The following NUAK1 variants were observed in gnomAD, a reference collection of about 807,000 sequenced individuals.
The protein encoded by NUAK1 is NUAK family SNF1-like kinase 1.
Under a neutral mutation model 56.9 loss-of-function variants are expected in NUAK1, and 26 were observed. The ratio of observed to expected loss-of-function variants is 0.46; its 90% CI spans 0.33 to 0.63. The LOEUF (loss-of-function observed/expected upper bound fraction) is 0.63. Ranked by LOEUF, NUAK1 falls within the 30% of genes least tolerant of loss-of-function variation. The pLI is 0.02. For missense variants in NUAK1, 727 were observed against 876.1 expected, an observed-to-expected ratio of 0.83 and a Z score of 2.15; for synonymous variants, 337 against 336.0, an observed-to-expected ratio of 1.00 and a Z score of -0.03.
intron 1 of NUAK1, among the ~76,000 whole-genome samples, chr12:106,122,684 G>A (rs947372479): frequency 2.0e-5 from 3 of 152,174 alleles, no homozygotes; most frequent in African/African-American, 7.2e-5. Context: ...ATTGTCCAGA[G>A]CTGTGTTCTC....
At chr12:106,080,399 T>G (rs2032504481) in intron 4 of NUAK1, among the ~76,000 whole-genome samples, 1 of 152,222 alleles carries the variant, frequency 6.6e-6, no homozygotes, top group South Asian at 2.1e-4. Flanking sequence ...CAGCATTCCA[T>G]TCTCCCAGAG....
At chr12:106,076,786 A>T (rs1015858786) in intron 4 of NUAK1, among the ~76,000 whole-genome samples, 6 of 152,198 alleles carry the variant, frequency 3.9e-5, no homozygotes, top group African/African-American at 1.4e-4. Context: ...CATGTACATG[A>T]GGTCCCTAGA....
intron 1 of NUAK1, among the ~76,000 whole-genome samples, chr12:106,108,659 A>G (rs75740539): frequency 0.035 from 5,273 of 152,294 alleles, 315 homozygotes; most frequent in African/African-American, 0.12. Flanking sequence ...ACATTCCTCC[A>G]TAAACTAAAG....
chr12:106,066,849 T>C lies in NUAK1; in HGVS notation c.1939A>G (p.Thr647Ala). ...FSLLTDMDDV[T>A]QVYKQALEIC... ...TCCAGCGCTTGCTTGTAGACCTGAG[T>C]CACATCATCCATGTCTGTGAGGAGG... is the stretch of plus-strand genomic sequence containing the variant. Residue 647 changes from threonine to alanine, a missense_variant, in exon 7 of 7, where the codon ACT (threonine) becomes GCT (alanine). Thr to Ala is a moderately conservative substitution (Grantham distance 58). Coordinates refer to ENST00000261402, the MANE Select transcript of NUAK1 (RefSeq NM_014840.3). 1 of 1,614,078 alleles carries C rather than the reference T, an allele frequency of 6.2e-7. No individual in the cohort carries two copies. The highest frequency in any genetic ancestry group is 8.5e-7 in the Non-Finnish European group (1 of 1,179,990).
chr12:106,103,990 T>G (rs2032774283), intron 2 of NUAK1: 1 of 152,202 alleles, frequency 6.6e-6, no homozygotes, highest in African/African-American at 2.4e-5. Flanking sequence ...TTACCACTCT[T>G]GGGCAGTTCG....
At chr12:106,083,217 G>T (rs2032536956) in intron 4 of NUAK1, among the ~76,000 whole-genome samples, 1 of 152,166 alleles carries the variant, frequency 6.6e-6, no homozygotes, top group East Asian at 1.9e-4. Context: ...TTTCAGGGGT[G>T]GGAAGGTGGA....
Position 106,113,809 on chromosome 12 carries a change from T to A in NUAK1, c.241-7284A>T, listed in dbSNP as rs558894598. On this transcript the variant is annotated intron_variant, in intron 1 of 6. Transcript: ENST00000261402. ...ATGGAAAGTTTGCTTCCAATGGGTATCTCCCTAGTCCCAGCCCAAGGAGGG... is the reference window on the plus strand; with the variant it reads ...ATGGAAAGTTTGCTTCCAATGGGTAACTCCCTAGTCCCAGCCCAAGGAGGG... Among the ~76,000 whole-genome samples the A allele has an allele frequency of 3.3e-5, 5 of 151,970 alleles. No homozygotes were observed. The East Asian group carries it at 5.8e-4, about 18-fold the overall frequency.
chr12:106,092,894 C>T (rs2032650926), intron 2 of NUAK1, among the ~76,000 whole-genome samples: 1 of 152,222 alleles, frequency 6.6e-6, no homozygotes, highest in African/African-American at 2.4e-5. Flanking sequence ...TAAAGGTTCT[C>T]CTTCATTAAA....
intron 6 of NUAK1, among the ~76,000 whole-genome samples, chr12:106,069,491 A>AT (rs2032381710): frequency 6.6e-6 from 1 of 152,186 alleles, no homozygotes; most frequent in African/African-American, 2.4e-5. Flanking sequence ...TATGGAGAAG[A>AT]TAAGTGTCTT....
chr12:106,109,264 T>C (rs2032834930), intron 1 of NUAK1, among the ~76,000 whole-genome samples: 1 of 152,196 alleles, frequency 6.6e-6, no homozygotes. Context: ...CCAGTATTCA[T>C]TAGCCACTTA....
At position 106,107,342 on chromosome 12, in the gene NUAK1, A is replaced by G. The variant is rs568010728; in HGVS notation, c.241-817T>C. Among the ~76,000 whole-genome samples the G allele has an allele frequency of 7.9e-5, 12 of 152,242 alleles. No individual in the cohort carries two copies. In the South Asian group the frequency reaches 1.2e-3, roughly 16 times the overall value. On this transcript the variant is annotated intron_variant, in intron 1 of 6. Coordinates refer to ENST00000261402, the MANE Select transcript of NUAK1 (RefSeq NM_014840.3). The stretch of plus-strand genomic sequence containing the variant: ...CTAATAAGGAAAAGTGTGTTCGCCA[A>G]TGGATTCATCTTTGCTCATAAACAA...
At chr12:106,077,562 A>T (rs1330830174) in intron 4 of NUAK1, among the ~76,000 whole-genome samples, 2 of 152,204 alleles carry the variant, frequency 1.3e-5, no homozygotes, top group African/African-American at 4.8e-5. Flanking sequence ...GCATCATAGG[A>T]TGGGAAAAGG....
At chr12:106,089,694 C>T (rs2136464240) in intron 2 of NUAK1, among the ~76,000 whole-genome samples, 1 of 152,240 alleles carries the variant, frequency 6.6e-6, no homozygotes, top group African/African-American at 2.4e-5. Flanking sequence ...GAGGCTGAGG[C>T]AGGACAATAG....
At chr12:106,102,772 G>A (rs968468966) in intron 2 of NUAK1, among the ~76,000 whole-genome samples, 10 of 152,190 alleles carry the variant, frequency 6.6e-5, no homozygotes, top group African/African-American at 1.4e-4. Flanking sequence ...GCACTGAGAA[G>A]CCTACCATCT....
Position 106,067,119 on chromosome 12 carries a change from G to T in NUAK1, c.1669C>A (p.Pro557Thr), listed in dbSNP as rs1182316747. 5.6e-6 allele frequency: 9 copies of T among 1,614,100 alleles called. No individual in the cohort carries two copies. The highest frequency in any genetic ancestry group is 1.3e-5 in the African/African-American group (1 of 74,928). The change falls in exon 7 of 7, where the codon CCT becomes ACT. Residue 557 changes from proline (P) to threonine (T), a missense_variant. Transcript: ENST00000261402. The surrounding 1 kb of genome is among the most constrained non-coding windows in gnomAD (Gnocchi z 6.0). ...TLESLSEPGV[P>T]AEGLSRSYSR... ...TAGCTCCGGGAGAGGCCCTCGGCAGGGACACCAGGCTCTGACAGGGATTCC... is the reference window on the plus strand; with the variant it reads ...TAGCTCCGGGAGAGGCCCTCGGCAGTGACACCAGGCTCTGACAGGGATTCC...
intron 1 of NUAK1, among the ~76,000 whole-genome samples, chr12:106,109,896 G>A (rs1274842992): frequency 1.3e-5 from 2 of 152,162 alleles, no homozygotes; most frequent in African/African-American, 2.4e-5. Flanking sequence ...TGAGTGTTCT[G>A]TAAGTAGAAC....
At chr12:106,073,659 A>G (rs1016203808) in intron 4 of NUAK1, among the ~76,000 whole-genome samples, 1 of 152,146 alleles carries the variant, frequency 6.6e-6, no homozygotes, top group Non-Finnish European at 1.5e-5. Flanking sequence ...CTCTACTAAA[A>G]ATACAAAAAT....
At chr12:106,103,066 TG>T (rs2032764696) in intron 2 of NUAK1, 1 of 152,272 alleles carries the variant, frequency 6.6e-6, no homozygotes, top group African/African-American at 2.4e-5. Context: ...AACTTCACGT[TG>T]GTAACTAAAT....
intron 1 of NUAK1, among the ~76,000 whole-genome samples, chr12:106,132,574 AC>A (rs2033089744): frequency 6.6e-6 from 1 of 152,168 alleles, no homozygotes; most frequent in South Asian, 2.1e-4. Flanking sequence ...GAACCAGCTT[AC>A]CCCTCAAAGC....
Sources: gnomAD v4.1 joint callset for allele counts (sites outside exome capture counted in the v4.1 genomes callset) on GRCh38, gnomAD v4.1.1 for gene constraint, Gnocchi (gnomAD v3.1) non-coding constraint, MANE v1.5 for transcripts, NCBI Gene and HGNC (gene_info 2026-07-23, HGNC 2026-07-21) for gene names.